Variants in HMG20A observed in about 807,000 individuals in gnomAD.
HMG20A encodes high mobility group 20A, also known as high mobility group protein 20A.
Under a neutral mutation model 43.9 loss-of-function variants are expected in HMG20A, and 17 were observed. The observed-to-expected ratio is 0.39, with a 90% confidence interval of 0.27 to 0.58. HMG20A has a LOEUF of 0.58. HMG20A is among the 20% of genes least tolerant of loss of function. The pLI is 0.59. For missense variants in HMG20A, 341 were observed against 438.2 expected, an observed-to-expected ratio of 0.78 and a Z score of 1.98; for synonymous variants, 132 against 147.5, an observed-to-expected ratio of 0.89 and a Z score of 0.76.
At chr15:77,445,886 A>C (rs980844217) in intron 1 of HMG20A, among the ~76,000 whole-genome samples, 1 of 152,162 alleles carries the variant, frequency 6.6e-6, no homozygotes, top group African/African-American at 2.4e-5. Flanking sequence ...ATAACTTAAA[A>C]CTTATGAATT....
At chr15:77,446,673 G>C (rs1183168052) in intron 1 of HMG20A, among the ~76,000 whole-genome samples, 1 of 152,092 alleles carries the variant, frequency 6.6e-6, no homozygotes, top group African/African-American at 2.4e-5. Context: ...CGGGCATGGT[G>C]GTGGGCACCT....
intron 1 of HMG20A, among the ~76,000 whole-genome samples, chr15:77,429,057 T>C (rs186690549): frequency 0.014 from 2,205 of 152,164 alleles, 31 homozygotes; most frequent in Non-Finnish European, 0.025. Context: ...TTAAATAATA[T>C]GTTGGCCGGG....
intron 2 of HMG20A, among the ~76,000 whole-genome samples, chr15:77,459,210 A>G (rs2072683554): frequency 6.6e-6 from 1 of 152,166 alleles, no homozygotes; most frequent in Admixed American, 6.5e-5. Flanking sequence ...CCTCACATTT[A>G]TGTCTCACCT....
chr15:77,500,279 A>T, the HMG20A span, among the ~76,000 whole-genome samples: 2 of 152,224 alleles, frequency 1.3e-5, no homozygotes, highest in Non-Finnish European at 2.9e-5. Context: ...CCACATAGCT[A>T]TTACACCTTG....
chr15:77,497,599 G>A, the HMG20A span, among the ~76,000 whole-genome samples: 1 of 152,156 alleles, frequency 6.6e-6, no homozygotes, highest in African/African-American at 2.4e-5. Flanking sequence ...CAGCACAGCA[G>A]TGGGTCTGGG....
the HMG20A span, among the ~76,000 whole-genome samples, chr15:77,504,265 C>G: frequency 5.9e-5 from 9 of 152,216 alleles, no homozygotes; most frequent in Non-Finnish European, 1.3e-4. Context: ...GGAAAGGCAG[C>G]TGGGCTCTTT....
At chr15:77,446,431 A>T (rs1288697032) in intron 1 of HMG20A, among the ~76,000 whole-genome samples, 1 of 152,170 alleles carries the variant, frequency 6.6e-6, no homozygotes, top group Non-Finnish European at 1.5e-5. Context: ...TTTAAAAAAA[A>T]AACTCGTGTC....
At chr15:77,435,542 C>T (rs1396754422) in intron 1 of HMG20A, among the ~76,000 whole-genome samples, 1 of 152,112 alleles carries the variant, frequency 6.6e-6, no homozygotes, top group East Asian at 1.9e-4. Flanking sequence ...GATCCGCCCG[C>T]CTCGGCCTCC....
At chr15:77,504,779 T>C in the HMG20A span, among the ~76,000 whole-genome samples, 2 of 151,860 alleles carry the variant, frequency 1.3e-5, no homozygotes, top group Non-Finnish European at 2.9e-5. Flanking sequence ...AATGGGGGGA[T>C]GCAAAGGGCA....
intron 6 of HMG20A, among the ~76,000 whole-genome samples, chr15:77,475,020 T>G (rs1316150350): frequency 6.6e-6 from 1 of 152,192 alleles, no homozygotes; most frequent in Non-Finnish European, 1.5e-5. Context: ...TGTCTATATC[T>G]CATGTGAAAA....
At chr15:77,447,600 C>T (rs1479278393) in intron 1 of HMG20A, 1 of 152,002 alleles carries the variant, frequency 6.6e-6, no homozygotes, top group Admixed American at 6.6e-5. Context: ...TAAATTTTTA[C>T]TTCAAAAAAA....
chr15:77,497,299 T>C, the HMG20A span, among the ~76,000 whole-genome samples: 5 of 152,182 alleles, frequency 3.3e-5, no homozygotes, highest in Middle Eastern at 3.2e-3. Flanking sequence ...GTCTCTGGCC[T>C]GTGAACCTGG....
At chr15:77,458,032 A>G (rs1201802528) in intron 1 of HMG20A, among the ~76,000 whole-genome samples, 1 of 152,212 alleles carries the variant, frequency 6.6e-6, no homozygotes, top group Non-Finnish European at 1.5e-5. Flanking sequence ...AGATGGTGAA[A>G]TTGTAGCTCA....
At chr15:77,485,648 C>T (rs893450903), downstream of HMG20A, 1 of 152,290 alleles carries the variant, frequency 6.6e-6, no homozygotes, top group Non-Finnish European at 1.5e-5. Context: ...AAAGTCCTAC[C>T]TCTGGCCGGG....
chr15:77,459,684 C>T (rs2072687738), intron 2 of HMG20A, among the ~76,000 whole-genome samples: 1 of 152,136 alleles, frequency 6.6e-6, no homozygotes, highest in East Asian at 1.9e-4. Flanking sequence ...AGGAGAGTTT[C>T]CATCTTATCG....
At chr15:77,518,646 G>GGACACTCAGGCGGA in the HMG20A span, among the ~76,000 whole-genome samples, 22 of 152,200 alleles carry the variant, frequency 1.4e-4, no homozygotes, top group African/African-American at 5.1e-4. Flanking sequence ...GCCATCCTGA[G>GGACACTCAGGCGGA]GACACTCAGG....
intron 2 of HMG20A, among the ~76,000 whole-genome samples, chr15:77,462,772 C>CTTTTTTTTTTTTTTTTTTTT (rs71145836): frequency 1.6e-5 from 2 of 127,788 alleles, no homozygotes; most frequent in Non-Finnish European, 1.6e-5. Flanking sequence ...TTTTCTTTTT[C>CTTTTTTTTTTTTTTTTTTTT]TTTTTTTTTT....
At position 77,484,679 on chromosome 15, in the gene HMG20A, G is replaced by C. The variant is rs966759677; in HGVS notation, c.*1716G>C. 1 of 152,110 alleles carries C rather than the reference G, an allele frequency of 6.6e-6. No individual in the cohort carries two copies. Among genetic ancestry groups the C allele is most frequent in the African/African-American group, 2.4e-5 (1 of 41,420 alleles). The allele number at this position is 152,110 out of a possible 1,614,324, so 9.4% of individuals were successfully genotyped here. A position where few individuals can be genotyped will look rare whatever the true frequency, so the allele number is the denominator to read the frequency against. Reference sequence around the variant, plus strand: ...CATACCATCACTTGGCAATTTTTTAGAATAAGACCCCATTATTATCTATTG... The same window carrying C: ...CATACCATCACTTGGCAATTTTTTACAATAAGACCCCATTATTATCTATTG... On this transcript the variant is annotated 3_prime_UTR_variant, in exon 10 of 10. Transcript: ENST00000336216.
At chr15:77,505,179 C>T in the HMG20A span, among the ~76,000 whole-genome samples, 1 of 152,224 alleles carries the variant, frequency 6.6e-6, no homozygotes, top group African/African-American at 2.4e-5. Context: ...CAGCCCTGGA[C>T]CTGTGCTCCA....
Sources: allele counts gnomAD v4.1 joint callset (sites outside exome capture counted in the v4.1 genomes callset), GRCh38; gene constraint gnomAD v4.1.1; transcripts MANE v1.5; gene names NCBI Gene and HGNC (gene_info 2026-07-23, HGNC 2026-07-21).